The following MAPK10 variants were observed in gnomAD, a reference collection of about 807,000 sequenced individuals.
MAPK10 encodes JNK3 alpha protein kinase.
Under a neutral mutation model 59.3 loss-of-function variants are expected in MAPK10, and 25 were observed. That is an observed-to-expected ratio of 0.42 (90% CI 0.31 to 0.59). The LOEUF (loss-of-function observed/expected upper bound fraction) is 0.59. Among genes scored for constraint, MAPK10 ranks in the 20% least tolerant of loss-of-function variants. The pLI, the probability that MAPK10 is intolerant of heterozygous loss-of-function variation, is 0.15. For missense variants in MAPK10, 351 were observed against 568.9 expected, an observed-to-expected ratio of 0.62 and a Z score of 3.90; for synonymous variants, 190 against 200.5, an observed-to-expected ratio of 0.95 and a Z score of 0.44.
chr4:86,091,912 TCTGC>T (rs2053280935), intron 9 of MAPK10, among the ~76,000 whole-genome samples: 3 of 152,070 alleles, frequency 2.0e-5, no homozygotes, highest in Admixed American at 6.6e-5. Context: ...GACCTTGTGA[TCTGC>T]CCACCTCGGC....
intron 1 of MAPK10, among the ~76,000 whole-genome samples, chr4:86,374,364 C>T (rs1188793340): frequency 6.6e-6 from 1 of 152,054 alleles, no homozygotes; most frequent in Admixed American, 6.6e-5. Flanking sequence ...ATGTAACAAA[C>T]CTGCACGTTC....
At chr4:86,314,567 C>A (rs1356970041) in intron 2 of MAPK10, among the ~76,000 whole-genome samples, 1 of 152,092 alleles carries the variant, frequency 6.6e-6, no homozygotes, top group East Asian at 1.9e-4. Flanking sequence ...TCTTTTTCTT[C>A]CCAGTCGTGG....
At chr4:86,341,559 C>G (rs1724940200) in intron 2 of MAPK10, among the ~76,000 whole-genome samples, 1 of 151,884 alleles carries the variant, frequency 6.6e-6, no homozygotes, top group Non-Finnish European at 1.5e-5. Flanking sequence ...TTTTTAGATC[C>G]CTTATATTTA....
At chr4:86,185,380 G>A (rs747500915) in intron 3 of MAPK10, among the ~76,000 whole-genome samples, 2 of 152,302 alleles carry the variant, frequency 1.3e-5, no homozygotes, top group Non-Finnish European at 2.9e-5. Flanking sequence ...CCTGAAGATG[G>A]TTAAGGAGTG....
At chr4:86,228,899 A>T (rs2091107110) in intron 2 of MAPK10, among the ~76,000 whole-genome samples, 1 of 152,202 alleles carries the variant, frequency 6.6e-6, no homozygotes, top group South Asian at 2.1e-4. Context: ...GTTTAAGTTC[A>T]TATTTCAACT....
At chr4:86,089,242 T>C (rs1039101424) in intron 9 of MAPK10, 2 of 1,612,986 alleles carry the variant, frequency 1.2e-6, no homozygotes, top group Admixed American at 1.7e-5. Context: ...CCTTTTATCA[T>C]TTCTCCCATG....
At chr4:86,281,052 T>A (rs2094782443) in intron 2 of MAPK10, among the ~76,000 whole-genome samples, 1 of 152,078 alleles carries the variant, frequency 6.6e-6, no homozygotes. Context: ...ATATACAATA[T>A]ACCCTGTGAC....
intron 2 of MAPK10, among the ~76,000 whole-genome samples, chr4:86,305,228 A>G (rs115197510): frequency 0.01 from 1,593 of 152,302 alleles, 10 homozygotes; most frequent in South Asian, 0.033. Context: ...TATATAATAC[A>G]TATAACTTGT....
chr4:86,474,473 G>A (rs1752906768), intron 1 of MAPK10, among the ~76,000 whole-genome samples: 2 of 152,132 alleles, frequency 1.3e-5, no homozygotes, highest in African/African-American at 4.8e-5. Flanking sequence ...CTTATCCATT[G>A]TCCTCCAAAA....
intron 1 of MAPK10, among the ~76,000 whole-genome samples, chr4:86,522,566 T>TA (rs57068251): frequency 0.045 from 6,760 of 149,106 alleles, 202 homozygotes; most frequent in Non-Finnish European, 0.052. Context: ...CATTTAAACT[T>TA]AAAAAAAAAA....
chr4:86,335,890 C>T (rs1445371879), intron 2 of MAPK10, among the ~76,000 whole-genome samples: 2 of 152,150 alleles, frequency 1.3e-5, no homozygotes, highest in Non-Finnish European at 2.9e-5. Context: ...GAGCCAATCA[C>T]CTCCCTCCCT....
At chr4:86,111,285 G>A (rs1397298234) in intron 4 of MAPK10, among the ~76,000 whole-genome samples, 1 of 152,180 alleles carries the variant, frequency 6.6e-6, no homozygotes, top group Non-Finnish European at 1.5e-5. Flanking sequence ...TGAAGAGAGA[G>A]GGCATCCTTG....
intron 3 of MAPK10, among the ~76,000 whole-genome samples, chr4:86,183,135 G>T (rs1158230617): frequency 7.1e-6 from 1 of 141,720 alleles, no homozygotes; most frequent in Admixed American, 7.0e-5. Flanking sequence ...AGTTTTGGCT[G>T]GTTTTTTTTT....
chr4:86,010,866 T>C lies in MAPK10; in HGVS notation c.*6362A>G, dbSNP rs1741379655. The C allele has an allele frequency of 1.3e-5, 2 of 152,146 alleles. No homozygotes were observed. The highest frequency in any genetic ancestry group is 4.1e-4 in the South Asian group (2 of 4,828). 9.4% of individuals were successfully genotyped at this position (152,146 alleles called of 1,614,324 possible). On this transcript the variant is annotated 3_prime_UTR_variant, in exon 14 of 14. Coordinates refer to ENST00000641462, the MANE Select transcript of MAPK10 (RefSeq NM_138982.4). ...ATAACATTTTGTACCTGCTTTTGAG[T>C]TGCAAATGATCTGGACTGTTGGTTA...
At chr4:86,386,827 T>C (rs1741533082) in intron 1 of MAPK10, among the ~76,000 whole-genome samples, 1 of 152,190 alleles carries the variant, frequency 6.6e-6, no homozygotes, top group Non-Finnish European at 1.5e-5. Flanking sequence ...GGCCATCCAG[T>C]GCCCACTTTT....
intron 1 of MAPK10, among the ~76,000 whole-genome samples, chr4:86,494,726 C>A (rs948324474): frequency 6.6e-6 from 1 of 151,286 alleles, no homozygotes; most frequent in African/African-American, 2.4e-5. Context: ...GCCTGCAGTC[C>A]CAGCTACTCA....
intron 3 of MAPK10, among the ~76,000 whole-genome samples, chr4:86,184,692 G>T (rs2077740422): frequency 6.6e-6 from 1 of 152,054 alleles, no homozygotes; most frequent in African/African-American, 2.4e-5. Flanking sequence ...CACCTTCCCT[G>T]CTTTCTCTCT....
intron 11 of MAPK10, among the ~76,000 whole-genome samples, chr4:86,054,865 G>A (rs1329627860): frequency 4.6e-5 from 7 of 152,156 alleles, no homozygotes; most frequent in Non-Finnish European, 8.8e-5. Flanking sequence ...GACTCAAAGA[G>A]GTAGTCCTTG....
chr4:86,066,752 CA>C (rs60413311), intron 10 of MAPK10, among the ~76,000 whole-genome samples: 1,549 of 86,544 alleles, frequency 0.018, 5 homozygotes, highest in East Asian at 0.1. Context: ...GACTCTGTCT[CA>C]AAAAAAAAAA....
Sources: allele counts gnomAD v4.1 joint callset (sites outside exome capture counted in the v4.1 genomes callset), GRCh38; gene constraint gnomAD v4.1.1; transcripts MANE v1.5; gene names NCBI Gene and HGNC (gene_info 2026-07-23, HGNC 2026-07-21).